The following PRMT9 variants were observed in gnomAD, a reference collection of about 807,000 sequenced individuals.
PRMT9 encodes protein arginine methyltransferase 9, also known as protein arginine N-methyltransferase 9.
A neutral mutation model predicts 83.2 loss-of-function variants in PRMT9; 59 were observed. The ratio of observed to expected loss-of-function variants is 0.71; its 90% CI spans 0.57 to 0.88. The LOEUF (loss-of-function observed/expected upper bound fraction) is 0.88. Among genes scored for constraint, PRMT9 ranks in the 40% least tolerant of loss-of-function variants. The probability of loss-of-function intolerance (pLI) is 0.00; values close to 1 mark genes in which losing one functional copy is unlikely to be tolerated. For synonymous variants in PRMT9, 333 were observed against 353.2 expected (o/e 0.94, Z 0.64); for missense variants, 947 against 1,021.9 (o/e 0.93, Z 1.00).
chr4:147,652,145 C>T (rs1734140364), intron 9 of PRMT9, among the ~76,000 whole-genome samples: 1 of 152,094 alleles, frequency 6.6e-6, no homozygotes, highest in Non-Finnish European at 1.5e-5. Context: ...TTATTCAAAA[C>T]ATGTCTGAAA....
intron 2 of PRMT9, among the ~76,000 whole-genome samples, chr4:147,677,435 G>C (rs1182198072): frequency 6.9e-6 from 1 of 144,094 alleles, no homozygotes; most frequent in Non-Finnish European, 1.5e-5. Context: ...ATTCTGTCTT[G>C]ACAGGTAGAA....
At chr4:147,683,735 G>GA in intron 1 of PRMT9, 64 bp downstream of exon 1, 1 of 837,776 alleles carries the variant, frequency 1.2e-6, no homozygotes, top group Non-Finnish European at 1.9e-6. Flanking sequence ...TTTTTTTTCT[G>GA]TTTTTTTTTT....
intron 10 of PRMT9, among the ~76,000 whole-genome samples, chr4:147,640,192 C>T (rs1159801514): frequency 6.6e-6 from 1 of 151,044 alleles, no homozygotes; most frequent in Non-Finnish European, 1.5e-5. Flanking sequence ...CCCACCTCAG[C>T]CTCCCAAGTA....
Position 147,650,913 on chromosome 4 carries a change from T to C in PRMT9, c.2045+2939A>G, listed in dbSNP as rs905860483. On this transcript the variant is annotated intron_variant, in intron 9 of 11. Coordinates refer to ENST00000322396, the MANE Select transcript of PRMT9 (RefSeq NM_138364.4). ...GTCAGGAGATCGAGACCATCCTGGCTAACACGGTGAAACCCCGTCTCTATT... is the reference window on the plus strand; with the variant it reads ...GTCAGGAGATCGAGACCATCCTGGCCAACACGGTGAAACCCCGTCTCTATT... Among the ~76,000 whole-genome samples the C allele has an allele frequency of 7.9e-5, 12 of 152,228 alleles. 1 individual carries two copies. The highest frequency in any genetic ancestry group is 6.2e-4 in the South Asian group (3 of 4,828).
chr4:147,677,919 C>T (rs903776862), intron 2 of PRMT9, among the ~76,000 whole-genome samples: 2 of 151,964 alleles, frequency 1.3e-5, no homozygotes, highest in African/African-American at 4.8e-5. Context: ...CAGGGGAGTA[C>T]ATTTGTCAGG....
chr4:147,672,193 A>C (rs1450798319), intron 4 of PRMT9: 2 of 243,440 alleles, frequency 8.2e-6, no homozygotes, highest in African/African-American at 4.6e-5. Flanking sequence ...AGACGATTGA[A>C]AAGTGTTAGG....
At chr4:147,681,213 G>T (rs575821069) in intron 1 of PRMT9, among the ~76,000 whole-genome samples, 11 of 152,242 alleles carry the variant, frequency 7.2e-5, no homozygotes, top group African/African-American at 2.6e-4. Flanking sequence ...CCTAGCCAAT[G>T]CTCTCTCAAT....
In PRMT9 at chr4:147,671,973, C is replaced by T; in HGVS notation, c.743+986G>A. 3 of 447,800 alleles carry T rather than the reference C, an allele frequency of 6.7e-6. No individual in the cohort carries two copies. In the Admixed American group the frequency reaches 7.4e-5, roughly 11 times the overall value. 27.7% of individuals were successfully genotyped at this position (447,800 alleles called of 1,614,324 possible). On this transcript the variant is annotated intron_variant, in intron 4 of 11. Transcript: ENST00000322396. ...AAGAGAATCCTCACAAGAAACCAAA[C>T]TTGCCAACACCTTGATCATGGTCTT...
chr4:147,658,129 T>C (rs1734666764), intron 7 of PRMT9, among the ~76,000 whole-genome samples, 154 bp from the exon 8 acceptor site: 1 of 151,606 alleles, frequency 6.6e-6, no homozygotes, highest in Non-Finnish European at 1.5e-5. Flanking sequence ...TAAGGCCCAC[T>C]GGTTGGGAAG....
intron 1 of PRMT9, 53 bp downstream of exon 1, chr4:147,683,746 T>C: frequency 6.8e-7 from 1 of 1,477,324 alleles, no homozygotes; most frequent in Admixed American, 1.9e-5. Context: ...TTTTTTTTTT[T>C]TTTTTTACGA....
intron 9 of PRMT9, among the ~76,000 whole-genome samples, chr4:147,652,213 A>G (rs1385704076): frequency 1.3e-5 from 2 of 152,146 alleles, no homozygotes; most frequent in East Asian, 3.8e-4. Context: ...TTAATTTAAA[A>G]AAAACTGAAC....
intron 10 of PRMT9, among the ~76,000 whole-genome samples, chr4:147,642,222 A>ACC (rs1188402495): frequency 6.6e-6 from 1 of 152,016 alleles, no homozygotes; most frequent in East Asian, 1.9e-4. Flanking sequence ...TATGACAGTG[A>ACC]TTCGAAGGCG....
Position 147,654,374 on chromosome 4 carries a change from G to C in PRMT9, c.1523C>G (p.Thr508Ser), listed in dbSNP as rs769941986. Residue 508 changes from threonine to serine, a missense_variant, in exon 9 of 12, where the codon ACC becomes AGC. Physicochemically the swap from Thr to Ser is moderately conservative, Grantham distance 58. Transcript: ENST00000322396. The part of the protein sequence containing the change: ...ELCSALANLQ[T>S]SKPDAVEQTC... ...CTGCTCTACAGCATCTGGTTTACTGGTCTGAAGGTTAGCGAGGGCACTACA... is the reference window on the plus strand; with the variant it reads ...CTGCTCTACAGCATCTGGTTTACTGCTCTGAAGGTTAGCGAGGGCACTACA... The C allele has an allele frequency of 1.2e-6, 2 of 1,614,076 alleles. No homozygotes were observed. Among genetic ancestry groups the C allele is most frequent in the African/African-American group, 2.7e-5 (2 of 74,918 alleles).
Position 147,654,395 on chromosome 4 carries a change from C to T in PRMT9, c.1502G>A (p.Ser501Asn), listed in dbSNP as rs1176271058. 19 of 1,614,100 alleles carry T rather than the reference C, an allele frequency of 1.2e-5. No individual in the cohort carries two copies. The highest frequency in any genetic ancestry group is 1.0e-5 in the Non-Finnish European group (12 of 1,180,032). ...ACTGGTCTGAAGGTTAGCGAGGGCA[C>T]TACAAAGTTCAGCCTCATTTCCTAA... Reference protein sequence around the residue: ...LSLGNEAELCSALANLQTSKP... With the variant: ...LSLGNEAELCNALANLQTSKP... Residue 501 changes from serine to asparagine, a missense_variant, in exon 9 of 12, where the codon AGT becomes AAT. By Grantham distance (46) the Ser-to-Asn change is conservative (BLOSUM62 1). Transcript: ENST00000322396.
At position 147,683,909 on chromosome 4, in the gene PRMT9, G is replaced by A. The variant is rs375660937; in HGVS notation, c.79C>T (p.Arg27Trp). Reference protein sequence around the residue: ...GAAGRDELVSRSLQSAEHCLG... With the variant: ...GAAGRDELVSWSLQSAEHCLG... ...CAGTGCTCTGCGCTCTGCAAGGACC[G>A]CGACACCAGCTCGTCCCGGCCGGCT... is the stretch of plus-strand genomic sequence containing the variant. Residue 27 changes from arginine to tryptophan, a missense_variant, in exon 1 of 12, where the codon CGG (arginine) becomes TGG (tryptophan). Coordinates refer to ENST00000322396, the MANE Select transcript of PRMT9 (RefSeq NM_138364.4). The A allele has an allele frequency of 6.2e-6, 10 of 1,613,282 alleles. No homozygotes were observed. In the African/African-American group the frequency reaches 1.3e-4, roughly 22 times the overall value.
chr4:147,650,251 G>T (rs1734003434), intron 9 of PRMT9, among the ~76,000 whole-genome samples: 1 of 152,136 alleles, frequency 6.6e-6, no homozygotes, highest in African/African-American at 2.4e-5. Flanking sequence ...ATTCATAGAT[G>T]ATATGTCATA....
intron 2 of PRMT9, among the ~76,000 whole-genome samples, chr4:147,677,735 G>C (rs1176292637): frequency 1.3e-5 from 2 of 151,890 alleles, no homozygotes; most frequent in African/African-American, 4.8e-5. Flanking sequence ...GGGAATATAG[G>C]CATGAGCCAC....
chr4:147,674,674 T>C (rs1186731841), intron 2 of PRMT9, among the ~76,000 whole-genome samples: 1 of 152,244 alleles, frequency 6.6e-6, no homozygotes, highest in Non-Finnish European at 1.5e-5. Flanking sequence ...CTGATATGGC[T>C]GTATTGCACA....
At chr4:147,638,829 C>T in intron 11 of PRMT9, 82 bp from the exon 12 acceptor site, 1 of 1,372,152 alleles carries the variant, frequency 7.3e-7, no homozygotes, top group South Asian at 1.2e-5. Context: ...CTTTTAAATA[C>T]AAAAATTTAA....
Sources: allele counts gnomAD v4.1 joint callset (sites outside exome capture counted in the v4.1 genomes callset), GRCh38; gene constraint gnomAD v4.1.1; transcripts MANE v1.5; gene names NCBI Gene and HGNC (gene_info 2026-07-23, HGNC 2026-07-21).